FER1L6: variants seen among roughly 807,000 people sequenced by gnomAD.
FER1L6 encodes fer-1-like protein 6.
In FER1L6, 177 loss-of-function variants were observed where a neutral mutation model predicts 219.2. The ratio of observed to expected loss-of-function variants is 0.81; its 90% CI spans 0.71 to 0.91. The LOEUF (loss-of-function observed/expected upper bound fraction) is 0.91, where lower values mean the gene tolerates loss of function less well. Among genes scored for constraint, FER1L6 ranks in the 40% least tolerant of loss-of-function variants. The probability of loss-of-function intolerance (pLI) is 0.00; values close to 1 mark genes in which losing one functional copy is unlikely to be tolerated. For synonymous variants in FER1L6, 768 were observed against 824.3 expected (o/e 0.93, Z 1.17); for missense variants, 2,153 against 2,259.9 (o/e 0.95, Z 0.96).
At chr8:124,048,799 C>G (rs1819852392) in intron 21 of FER1L6, among the ~76,000 whole-genome samples, 1 of 152,220 alleles carries the variant, frequency 6.6e-6, no homozygotes, top group Non-Finnish European at 1.5e-5. Flanking sequence ...TAGAACTAGA[C>G]AGTGACAGAT....
intron 31 of FER1L6, 118 bp downstream of exon 31, chr8:124,071,749 T>G: frequency 7.7e-7 from 1 of 1,298,694 alleles, no homozygotes. Flanking sequence ...CAGTTTTGAA[T>G]GCCATAAGTC....
rs1586619375 is a variant in FER1L6 at position 124,035,304 on chromosome 8, T to G, written c.2314T>G (p.Ser772Ala). The G allele has an allele frequency of 6.2e-7, 1 of 1,613,970 alleles. No individual in the cohort carries two copies. Among genetic ancestry groups the G allele is most frequent in the East Asian group, 2.2e-5 (1 of 44,886 alleles). The change falls in exon 19 of 41, where the codon TCT (serine) becomes GCT (alanine). Residue 772 changes from serine to alanine, a missense_variant. Transcript: ENST00000522917. Reference protein sequence around the residue: ...KPPGKRPAGWSVQAKVDVYLW... With the variant: ...KPPGKRPAGWAVQAKVDVYLW... ...TCCTGGGAAACGACCGGCTGGTTGG[T>G]CTGTGCAAGCAAAAGTCGACGTGTA...
intron 1 of FER1L6, among the ~76,000 whole-genome samples, chr8:123,937,665 T>A (rs1814064260): frequency 6.6e-6 from 1 of 152,228 alleles, no homozygotes; most frequent in Non-Finnish European, 1.5e-5. Flanking sequence ...TTCTTTCTGA[T>A]TCTTTTGTGT....
chr8:124,040,086 C>A (rs912239986), intron 20 of FER1L6, 80 bp downstream of exon 20: 1 of 1,576,102 alleles, frequency 6.3e-7, no homozygotes, highest in Non-Finnish European at 8.7e-7. Flanking sequence ...AAAGAAACAA[C>A]GGGGGCATGT....
intron 1 of FER1L6, among the ~76,000 whole-genome samples, chr8:123,920,130 G>C (rs995083091): frequency 1.3e-5 from 2 of 152,204 alleles, no homozygotes; most frequent in African/African-American, 2.4e-5. Flanking sequence ...TGATTATATT[G>C]GTTGCAGGTT....
chr8:124,021,687 C>T lies in FER1L6; in HGVS notation c.2133+18C>T. On this transcript the variant is annotated intron_variant, in intron 17 of 40. Transcript: ENST00000522917. ...TTGATGAGGTAACTGACTCTAAAGG[C>T]AAACCTCATTTGGAAGGTTAGATGG... 1 of 1,613,060 alleles carries T rather than the reference C, an allele frequency of 6.2e-7. No homozygotes were observed. The highest frequency in any genetic ancestry group is 8.5e-7 in the Non-Finnish European group (1 of 1,179,148).
chr8:123,903,747 A>C (rs1812899734), intron 1 of FER1L6, among the ~76,000 whole-genome samples: 2 of 152,164 alleles, frequency 1.3e-5, no homozygotes, highest in Non-Finnish European at 2.9e-5. Context: ...TTCATACTGT[A>C]GAATGTTCCT....
chr8:123,972,823 C>T (rs562786038), intron 6 of FER1L6, among the ~76,000 whole-genome samples: 35 of 152,190 alleles, frequency 2.3e-4, no homozygotes, highest in African/African-American at 7.2e-4. Flanking sequence ...GTTTCTCATA[C>T]GTTGTGGCTT....
intron 1 of FER1L6, among the ~76,000 whole-genome samples, chr8:123,865,361 G>C (rs1816815763): frequency 1.3e-5 from 2 of 149,848 alleles, no homozygotes; most frequent in South Asian, 2.1e-4. Context: ...GCTGCGTGCT[G>C]GGAGAACCAC....
At chr8:123,872,408 G>A (rs1054606016) in intron 1 of FER1L6, among the ~76,000 whole-genome samples, 1 of 152,114 alleles carries the variant, frequency 6.6e-6, no homozygotes, top group African/African-American at 2.4e-5. Context: ...AACTACGAAG[G>A]TCATCAAAAA....
At chr8:123,932,800 A>G (rs978601103) in intron 1 of FER1L6, among the ~76,000 whole-genome samples, 6 of 152,360 alleles carry the variant, frequency 3.9e-5, no homozygotes, top group African/African-American at 1.4e-4. Flanking sequence ...TATTGTGCTT[A>G]TGTGTATGAG....
intron 2 of FER1L6, among the ~76,000 whole-genome samples, chr8:123,959,947 T>C (rs1232246480): frequency 2.6e-5 from 4 of 152,186 alleles, no homozygotes; most frequent in African/African-American, 7.2e-5. Flanking sequence ...TGCCCAATTC[T>C]TTTGTCTTAC....
intron 1 of FER1L6, among the ~76,000 whole-genome samples, chr8:123,951,252 G>A (rs546222617): frequency 4.6e-5 from 7 of 152,264 alleles, no homozygotes; most frequent in African/African-American, 1.7e-4. Flanking sequence ...CACCCTAGGG[G>A]ATGGGATCTG....
chr8:124,061,906 T>C lies in FER1L6; in HGVS notation c.3202T>C (p.Trp1068Arg). 6.2e-7 allele frequency: 1 copy of C among 1,614,170 alleles called. No homozygotes were observed. Among genetic ancestry groups the C allele is most frequent in the Non-Finnish European group, 8.5e-7 (1 of 1,180,014 alleles). Residue 1068 changes from tryptophan (W) to arginine (R), a missense_variant, in exon 25 of 41, where the codon TGG becomes CGG. Coordinates refer to ENST00000522917, the MANE Select transcript of FER1L6 (RefSeq NM_001039112.2). ...GCCACTGAGCATCTGCGTGGTGGACTGGAGAGCTTTTGGGAGGAGTACCCT... is the reference window on the plus strand; with the variant it reads ...GCCACTGAGCATCTGCGTGGTGGACCGGAGAGCTTTTGGGAGGAGTACCCT... ...HPPLSICVVD[W>R]RAFGRSTLVG...
chr8:123,898,318 A>G (rs1459672260), intron 1 of FER1L6, among the ~76,000 whole-genome samples: 4 of 152,086 alleles, frequency 2.6e-5, no homozygotes, highest in Non-Finnish European at 5.9e-5. Flanking sequence ...TTATTGGGTT[A>G]CAGGTGGTAT....
chr8:123,991,349 G>A (rs952655544), intron 12 of FER1L6, among the ~76,000 whole-genome samples: 4 of 152,122 alleles, frequency 2.6e-5, no homozygotes, highest in Admixed American at 1.3e-4. Flanking sequence ...AGCATGAGAT[G>A]TGTTTCCATT....
intron 33 of FER1L6, among the ~76,000 whole-genome samples, chr8:124,083,550 T>C (rs1821665818): frequency 6.6e-6 from 1 of 152,156 alleles, no homozygotes; most frequent in Admixed American, 6.5e-5. Flanking sequence ...AATAGATTTA[T>C]TTCTGGGTTC....
At position 124,114,575 on chromosome 8, in the gene FER1L6, G is replaced by C. The variant is rs1823154578; in HGVS notation, c.5290-4269G>C. 2.0e-5 allele frequency among the ~76,000 whole-genome samples: 3 copies of C among 151,958 alleles called. No individual in the cohort carries two copies. In the South Asian group the frequency reaches 6.2e-4, roughly 32 times the overall value. On this transcript the variant is annotated intron_variant, in intron 39 of 40. Transcript: ENST00000522917. ...CAGATAAAATCCAAAATGAGTCTGG[G>C]ATATCTCAGTGGGGCAAATAGGACA...
At chr8:123,942,340 A>C (rs1213605428) in intron 1 of FER1L6, among the ~76,000 whole-genome samples, 1 of 152,102 alleles carries the variant, frequency 6.6e-6, no homozygotes, top group Non-Finnish European at 1.5e-5. Flanking sequence ...TACCTAAAAC[A>C]CAAAGGTGCA....
Sources: gnomAD v4.1 joint callset for allele counts (sites outside exome capture counted in the v4.1 genomes callset) on GRCh38, gnomAD v4.1.1 for gene constraint, MANE v1.5 for transcripts, NCBI Gene and HGNC (gene_info 2026-07-23, HGNC 2026-07-21) for gene names.